The following ZFHX3 variants were observed in gnomAD, a reference collection of about 807,000 sequenced individuals.
ZFHX3 encodes the protein zinc finger homeobox 3.
ZFHX3 carries 42 observed loss-of-function variants against 279.1 expected under a neutral mutation model. That is an observed-to-expected ratio of 0.15 (90% CI 0.12 to 0.19). The LOEUF is 0.19. Ranked by LOEUF, ZFHX3 falls within the 10% of genes least tolerant of loss-of-function variation. The pLI is 1.00. For missense variants in ZFHX3, 4,981 were observed against 4,754.0 expected (o/e 1.05, Z -1.40); for synonymous variants, 2,293 against 1,957.8 (o/e 1.17, Z -4.52).
intron 2 of ZFHX3, chr16:73,544,126 C>G (rs141855714): frequency 6.6e-6 from 1 of 152,092 alleles, no homozygotes; most frequent in African/African-American, 2.4e-5. Context: ...GTACCTTTAA[C>G]TGTAAGACAC....
At chr16:73,781,901 C>T (rs531087042) in intron 1 of ZFHX3, among the ~76,000 whole-genome samples, 18 of 152,256 alleles carry the variant, frequency 1.2e-4, no homozygotes, top group Non-Finnish European at 2.4e-4. Context: ...GCAGGAGAAT[C>T]GCTTGAACCC....
rs193132456 is a variant in ZFHX3, at chr16:73,574,254, T to C, written c.-1547+105926A>G. On this transcript the variant is annotated intron_variant, in intron 2 of 17. Transcript: ENST00000641206. ...AAAGAAATCACCTCTTTATTTCTCA[T>C]TGCTTAAAGAAATGATGCAAAATTT... 2.3e-3 allele frequency among the ~76,000 whole-genome samples: 348 copies of C among 152,312 alleles called. 4 individuals are homozygous for C. The highest frequency in any genetic ancestry group is 1.5e-3 in the Non-Finnish European group (101 of 68,032).
intron 1 of ZFHX3, among the ~76,000 whole-genome samples, chr16:73,704,330 C>CAACT (rs2053283028): frequency 6.6e-6 from 1 of 152,154 alleles, no homozygotes; most frequent in Non-Finnish European, 1.5e-5. Flanking sequence ...GTTCACCATG[C>CAACT]AACTGTTCTT....
At chr16:73,065,568 TGTGTGTGTGTGTG>T (rs1193428872) in intron 8 of ZFHX3, among the ~76,000 whole-genome samples, 2 of 280 alleles carry the variant, frequency 7.1e-3, no homozygotes, top group Admixed American at 0.042. Flanking sequence ...CTTTTCCTGG[TGTGTGTGTGTGTG>T]TGTGTGTGTG....
At chr16:73,425,304 A>G (rs2017791511) in intron 3 of ZFHX3, among the ~76,000 whole-genome samples, 1 of 152,172 alleles carries the variant, frequency 6.6e-6, no homozygotes, top group Non-Finnish European at 1.5e-5. Context: ...ACTTGCAGGT[A>G]CCCAGACAGC....
At chr16:73,442,112 C>G (rs527730886) in intron 3 of ZFHX3, among the ~76,000 whole-genome samples, 1 of 152,136 alleles carries the variant, frequency 6.6e-6, no homozygotes, top group African/African-American at 2.4e-5. Context: ...GGTGTGTTTA[C>G]AGATGACCAG....
intron 1 of ZFHX3, among the ~76,000 whole-genome samples, chr16:73,838,409 C>T (rs1018705686): frequency 5.3e-5 from 8 of 152,092 alleles, no homozygotes; most frequent in African/African-American, 1.2e-4. Context: ...GAAAATGGCT[C>T]CTCTTGCCAG....
intron 2 of ZFHX3, among the ~76,000 whole-genome samples, chr16:73,657,966 A>C (rs963040157): frequency 1.2e-4 from 19 of 152,350 alleles, no homozygotes; most frequent in African/African-American, 4.6e-4. Context: ...ATGTTGACGA[A>C]TGGAATTAAT....
Position 72,788,773 on chromosome 16 carries a change from C to T in ZFHX3, c.9503G>A (p.Gly3168Glu), listed in dbSNP as rs375370132. ...TVPSPGLPTS[G>E]LPNKPSSASL... is the part of the protein sequence containing the mutation. ...CGCTGAGGACGGTTTATTTGGTAAT[C>T]CAGAAGTGGGGAGGCCAGGGGAAGG... is the stretch of plus-strand genomic sequence containing the variant. Residue 3168 changes from glycine (G) to glutamate (E), a missense_variant, in exon 10 of 10, where the codon GGA (glycine) becomes GAA (glutamate). Physicochemically the swap from Gly to Glu is moderately conservative, Grantham distance 98. Transcript: ENST00000268489. 3.2e-6 allele frequency: 5 copies of T among 1,558,476 alleles called. No homozygotes were observed. The highest frequency in any genetic ancestry group is 2.6e-6 in the Non-Finnish European group (3 of 1,154,476).
At chr16:73,586,361 C>G (rs1011358470) in intron 2 of ZFHX3, among the ~76,000 whole-genome samples, 3 of 151,864 alleles carry the variant, frequency 2.0e-5, no homozygotes, top group Admixed American at 2.0e-4. Context: ...TGCACTCCAG[C>G]CTGGGTGACA....
At chr16:73,298,217 A>T (rs930879935) in intron 4 of ZFHX3, among the ~76,000 whole-genome samples, 5 of 138,598 alleles carry the variant, frequency 3.6e-5, no homozygotes, top group African/African-American at 1.1e-4. Flanking sequence ...AAAAATCAGA[A>T]TTTTTTTTTT....
chr16:73,544,994 A>C (rs77325653), intron 2 of ZFHX3, among the ~76,000 whole-genome samples: 2,351 of 152,244 alleles, frequency 0.015, 62 homozygotes, highest in African/African-American at 0.052. Flanking sequence ...GTTATCTGGA[A>C]AGGTTTTGCC....
At position 73,386,240 on chromosome 16, in the gene ZFHX3, C is replaced by A. The variant is rs369925723; in HGVS notation, c.-1290-67904G>T. Among the ~76,000 whole-genome samples the A allele has an allele frequency of 8.5e-5, 13 of 152,118 alleles. No homozygotes were observed. In the South Asian group the frequency reaches 2.7e-3, roughly 32 times the overall value. The stretch of plus-strand genomic sequence containing the variant: ...TTTCTCTCTCTGTTTAACTCTCTTA[C>A]CAAAACAACTTTCAACTAGTAAGCA... On this transcript the variant is annotated intron_variant, in intron 3 of 17. Coordinates refer to the ZFHX3 transcript ENST00000641206.
intron 4 of ZFHX3, among the ~76,000 whole-genome samples, chr16:73,259,844 T>C (rs990711883): frequency 2.6e-5 from 4 of 152,244 alleles, no homozygotes; most frequent in African/African-American, 9.6e-5. Context: ...TCTGACAATT[T>C]TCTATAAACA....
intron 2 of ZFHX3, among the ~76,000 whole-genome samples, chr16:72,953,875 A>G (rs1297297481): frequency 6.6e-6 from 1 of 152,176 alleles, no homozygotes; most frequent in Non-Finnish European, 1.5e-5. Context: ...CCAGCATTCT[A>G]GGCTGTTAAA....
At chr16:73,399,837 G>GGT (rs4011546) in intron 3 of ZFHX3, among the ~76,000 whole-genome samples, 56,447 of 148,074 alleles carry the variant, frequency 0.38, 11,519 homozygotes, top group Non-Finnish European at 0.48. Context: ...TGTGGTGTGT[G>GGT]GTGTGTGTGT....
intron 2 of ZFHX3, among the ~76,000 whole-genome samples, chr16:73,616,942 T>A (rs1482286993): frequency 6.6e-6 from 1 of 152,206 alleles, no homozygotes; most frequent in Non-Finnish European, 1.5e-5. Context: ...TCAAGTCTGC[T>A]GTCACTTCTC....
At chr16:73,853,754 C>T (rs560505647) in intron 1 of ZFHX3, among the ~76,000 whole-genome samples, 1 of 152,246 alleles carries the variant, frequency 6.6e-6, no homozygotes, top group African/African-American at 2.4e-5. Context: ...GTAATGGGTA[C>T]ACTAGATGCC....
chr16:73,642,846 T>C (rs577510166), intron 2 of ZFHX3, among the ~76,000 whole-genome samples: 14 of 152,066 alleles, frequency 9.2e-5, no homozygotes, highest in African/African-American at 3.4e-4. Flanking sequence ...AACTGCTCCA[T>C]CCATCAACGG....
Sources: gnomAD v4.1 joint callset for allele counts (sites outside exome capture counted in the v4.1 genomes callset) on GRCh38, gnomAD v4.1.1 for gene constraint, MANE v1.5 for transcripts, NCBI Gene and HGNC (gene_info 2026-07-23, HGNC 2026-07-21) for gene names.